Variants in NHSL1 observed in about 807,000 individuals in gnomAD.
NHSL1 encodes NHS-like protein 1.
In NHSL1, 48 loss-of-function variants were observed where a neutral mutation model predicts 95.0. That is an observed-to-expected ratio of 0.51 (90% confidence interval 0.40 to 0.64). The LOEUF is 0.64. Ranked by LOEUF, NHSL1 falls within the 30% of genes least tolerant of loss-of-function variation. The pLI is 0.00. For synonymous variants in NHSL1, 783 were observed against 833.9 expected (o/e 0.94, Z 1.05); for missense variants, 1,971 against 2,077.7 (o/e 0.95, Z 1.00).
chr6:138,568,175 T>C (rs2114398185), intron 1 of NHSL1, among the ~76,000 whole-genome samples: 1 of 152,344 alleles, frequency 6.6e-6, no homozygotes, highest in South Asian at 2.1e-4. Context: ...CATGAAAATG[T>C]TCCAGATAAA....
At chr6:138,481,269 C>T (rs1779402002) in intron 2 of NHSL1, among the ~76,000 whole-genome samples, 1 of 151,978 alleles carries the variant, frequency 6.6e-6, no homozygotes, top group East Asian at 1.9e-4. Flanking sequence ...AAAAACCAAA[C>T]CAAAGTGCAT....
At chr6:138,630,647 A>G (rs997310543) in intron 1 of NHSL1, among the ~76,000 whole-genome samples, 1 of 152,150 alleles carries the variant, frequency 6.6e-6, no homozygotes, top group Admixed American at 6.5e-5. Flanking sequence ...GGCCTCCCAA[A>G]ATGCTGGGAT....
In NHSL1 at chr6:138,493,956, A is replaced by C. The variant is rs188487594; in HGVS notation, c.211+2263T>G. On this transcript the variant is annotated intron_variant, in intron 2 of 7. Transcript: ENST00000343505. ...GACAGAGGTTACTCAGGCTAAATAA[A>C]AAGGGAAACCAACAATGCCCTCACT... Among the ~76,000 whole-genome samples, 273 of 152,370 alleles carry C rather than the reference A, an allele frequency of 1.8e-3. 1 individual carries two copies. Among genetic ancestry groups the C allele is most frequent in the African/African-American group, 6.3e-3 (260 of 41,596 alleles).
chr6:138,473,806 C>A (rs148614332), intron 2 of NHSL1, among the ~76,000 whole-genome samples: 1 of 151,684 alleles, frequency 6.6e-6, no homozygotes. Context: ...TAATCCAGGG[C>A]CTTAGTTACC....
chr6:138,424,573 C>T lies in NHSL1; in HGVS notation c.4329G>A (p.Lys1443=). Residue 1443 remains lysine (K), a synonymous_variant, in exon 8 of 8, where the codon AAG becomes AAA. Coordinates refer to ENST00000343505, the MANE Select transcript of NHSL1 (RefSeq NM_001144060.2). This position sits in a 1 kb window ranked among gnomAD's most constrained non-coding sequence, Gnocchi z 5.9. ...ACCTCTGGAATCTAGGGTCTGTGTTCTTGAGCATCTCTGCTGCAGACATGC... is the reference window on the plus strand; with the variant it reads ...ACCTCTGGAATCTAGGGTCTGTGTTTTTGAGCATCTCTGCTGCAGACATGC... ...SARMSAAEML[K]NTDPRFQRSR... 3 of 1,551,660 alleles carry T rather than the reference C, an allele frequency of 1.9e-6. No homozygotes were observed. The highest frequency in any genetic ancestry group is 2.6e-6 in the Non-Finnish European group (3 of 1,146,984).
At chr6:138,468,201 G>C (rs557864522) in intron 3 of NHSL1, among the ~76,000 whole-genome samples, 1 of 152,294 alleles carries the variant, frequency 6.6e-6, no homozygotes, top group South Asian at 2.1e-4. Flanking sequence ...CTCCATTCAT[G>C]GTAAGTGCCC....
chr6:138,461,860 G>T (rs1247666573), intron 3 of NHSL1, among the ~76,000 whole-genome samples: 1 of 152,200 alleles, frequency 6.6e-6, no homozygotes, highest in African/African-American at 2.4e-5. Context: ...AATCAAGACA[G>T]AAAATTGATT....
At chr6:138,437,329 C>CAT (rs777583497) in intron 5 of NHSL1, among the ~76,000 whole-genome samples, 73,375 of 100,776 alleles carry the variant, frequency 0.73, 27,797 homozygotes, top group East Asian at 0.91. Flanking sequence ...TACACACACA[C>CAT]ATATATATAT....
At chr6:138,512,238 A>C (rs546912926) in intron 1 of NHSL1, 1 of 447,636 alleles carries the variant, frequency 2.2e-6, no homozygotes, top group African/African-American at 2.0e-5. Context: ...AGACAAATTT[A>C]ATTATCTTAT....
chr6:138,603,095 T>C (rs1784392083), intron 1 of NHSL1, among the ~76,000 whole-genome samples: 1 of 152,216 alleles, frequency 6.6e-6, no homozygotes, highest in South Asian at 2.1e-4. Context: ...CTCCCAAAAT[T>C]AGCTACTTAA....
chr6:138,625,424 C>T (rs1329023032), intron 1 of NHSL1, among the ~76,000 whole-genome samples: 6 of 152,050 alleles, frequency 3.9e-5, no homozygotes, highest in Non-Finnish European at 8.8e-5. Context: ...TGTTAATTTG[C>T]TATGTTTCTT....
rs1468704089 is a variant in NHSL1, at chr6:138,432,315, C to T, written c.2030G>A (p.Arg677Gln). 6 of 1,551,602 alleles carry T rather than the reference C, an allele frequency of 3.9e-6. No individual in the cohort carries two copies. The highest frequency in any genetic ancestry group is 2.4e-5 in the East Asian group (1 of 40,914). ...GGGAATCCTGCGGAGGGAGTCTGTC[C>T]GGGAGGGTGGCAGGGGAGGCTTCTT... is the stretch of plus-strand genomic sequence containing the variant. ...KAKKPPLPPS[R>Q]TDSLRRIPKK... Residue 677 changes from arginine (R) to glutamine (Q), a missense_variant, in exon 6 of 8, where the codon CGG becomes CAG. Transcript: ENST00000343505. The surrounding 1 kb of genome is among the most constrained non-coding windows in gnomAD (Gnocchi z 4.4).
chr6:138,424,031 T>C lies in NHSL1; in HGVS notation c.*50A>G. 7.5e-7 allele frequency: 1 copy of C among 1,338,258 alleles called. No homozygotes were observed. The highest frequency in any genetic ancestry group is 9.5e-7 in the Non-Finnish European group (1 of 1,047,768). The allele number at this position is 1,338,258 out of a possible 1,614,324, so 82.9% of individuals were successfully genotyped here. On this transcript the variant is annotated 3_prime_UTR_variant, in exon 8 of 8. Transcript: ENST00000343505. This position sits in a 1 kb window ranked among gnomAD's most constrained non-coding sequence, Gnocchi z 5.9. ...GCGCCTAGCAGGCTTCCTAGAGTGC[T>C]GCATTGCTCGTCTCCCCCCGTGTCA...
chr6:138,442,433 A>G (rs1370168935), intron 4 of NHSL1, among the ~76,000 whole-genome samples: 1 of 152,220 alleles, frequency 6.6e-6, no homozygotes, highest in Non-Finnish European at 1.5e-5. Context: ...AGTGTTTCAA[A>G]TATATCCTCT....
intron 1 of NHSL1, among the ~76,000 whole-genome samples, chr6:138,675,754 G>A (rs927237512): frequency 2.0e-5 from 3 of 152,154 alleles, no homozygotes; most frequent in African/African-American, 4.8e-5. Context: ...GGCTGGTCTC[G>A]AACTCCTGAC....
chr6:138,574,809 A>AC (rs1783941817), upstream of NHSL1, among the ~76,000 whole-genome samples: 1 of 152,064 alleles, frequency 6.6e-6, no homozygotes, highest in Non-Finnish European at 1.5e-5. Flanking sequence ...CTGTGGTTGC[A>AC]CCACTGCACT....
At chr6:138,521,496 AC>A (rs1044539532) in intron 1 of NHSL1, among the ~76,000 whole-genome samples, 1 of 150,766 alleles carries the variant, frequency 6.6e-6, no homozygotes, top group African/African-American at 2.4e-5. Context: ...CCCCTGCCTC[AC>A]CCCCCTGGAA....
intron 1 of NHSL1, among the ~76,000 whole-genome samples, chr6:138,567,903 A>G (rs1783680124): frequency 6.6e-6 from 1 of 152,170 alleles, no homozygotes; most frequent in Non-Finnish European, 1.5e-5. Context: ...ACCTGCCAAT[A>G]CCAGGATCAT....
intron 1 of NHSL1, among the ~76,000 whole-genome samples, chr6:138,602,532 G>T (rs1202014928): frequency 3.3e-5 from 5 of 151,992 alleles, no homozygotes; most frequent in Admixed American, 2.0e-4. Flanking sequence ...AGTAGAGAAG[G>T]GGTTTCACCA....
Sources: gnomAD v4.1 joint callset for allele counts (sites outside exome capture counted in the v4.1 genomes callset) on GRCh38, gnomAD v4.1.1 for gene constraint, Gnocchi (gnomAD v3.1) non-coding constraint, MANE v1.5 for transcripts, NCBI Gene and HGNC (gene_info 2026-07-23, HGNC 2026-07-21) for gene names.